ZBTB37: variants seen among roughly 807,000 people sequenced by gnomAD.
ZBTB37 encodes the protein zinc finger and BTB domain-containing protein 37.
ZBTB37 carries 15 observed loss-of-function variants against 37.7 expected under a neutral mutation model. The observed-to-expected ratio is 0.40, with a 90% CI of 0.27 to 0.61. The LOEUF (loss-of-function observed/expected upper bound fraction) is 0.61, where lower values mean the gene tolerates loss of function less well. Among genes scored for constraint, ZBTB37 ranks in the 20% least tolerant of loss-of-function variants. The pLI is 0.44. For missense variants in ZBTB37, 514 were observed against 641.9 expected (o/e 0.80, Z 2.15); for synonymous variants, 231 against 220.6 (o/e 1.05, Z -0.42).
At chr1:173,903,028 A>G (rs1657329360) in exon 4 of ZBTB37, 1 of 152,204 alleles carries the variant, frequency 6.6e-6, no homozygotes, top group African/African-American at 2.4e-5. Context: ...GTTTTGTGGG[A>G]GGCTGAGATT....
At chr1:173,899,206 T>C (rs1323592429) in exon 4 of ZBTB37, 1 of 152,150 alleles carries the variant, frequency 6.6e-6, no homozygotes, top group African/African-American at 2.4e-5. Context: ...TTTTTTTTTT[T>C]CTACCTGTAG....
chr1:173,874,840 G>A (rs1232679379), intron 4 of ZBTB37, among the ~76,000 whole-genome samples: 1 of 152,072 alleles, frequency 6.6e-6, no homozygotes, highest in African/African-American at 2.4e-5. Flanking sequence ...TAGAACTTTT[G>A]TTATTAGTAG....
chr1:173,892,371 C>T (rs1306917869), exon 4 of ZBTB37: 1 of 152,124 alleles, frequency 6.6e-6, no homozygotes, highest in Non-Finnish European at 1.5e-5. Context: ...GTCTCTTTCC[C>T]TGTCTTTAGT....
At chr1:173,891,116 A>G (rs1439737837), downstream of ZBTB37, 1 of 152,188 alleles carries the variant, frequency 6.6e-6, no homozygotes, top group Non-Finnish European at 1.5e-5. Flanking sequence ...AAAAGCATTT[A>G]GAATTGGCCT....
At chr1:173,881,292 T>C (rs573129622) in intron 4 of ZBTB37, among the ~76,000 whole-genome samples, 1 of 152,356 alleles carries the variant, frequency 6.6e-6, no homozygotes, top group African/African-American at 2.4e-5. Flanking sequence ...ACTCATCCTT[T>C]TTTATGGCTG....
In ZBTB37 at chr1:173,879,902, G is replaced by A. The variant is rs527250576; in HGVS notation, c.1024-5734G>A. Among the ~76,000 whole-genome samples, 4 of 152,298 alleles carry A rather than the reference G, an allele frequency of 2.6e-5. No homozygotes were observed. The East Asian group carries it at 7.7e-4, about 29-fold the overall frequency. ...GGAGGCAGAGGTTGCAGTGAGCCGAGATGATGCTACTGCACTCCAGCCTGG... is the reference window on the plus strand; with the variant it reads ...GGAGGCAGAGGTTGCAGTGAGCCGAAATGATGCTACTGCACTCCAGCCTGG... On this transcript the variant is annotated intron_variant, in intron 4 of 4. Transcript: ENST00000427304.
chr1:173,873,572 G>A lies in ZBTB37; in HGVS notation c.1023+6G>A. 6.2e-7 allele frequency: 1 copy of A among 1,614,072 alleles called. No homozygotes were observed. On this transcript the variant is annotated splice_donor_region_variant and intron_variant, in intron 4 of 4. Transcript: ENST00000427304. ...CTAAGCAACCCAGCTCCCAGGTATGGAGTTGTGGATTTAGAACTGCTTTGG... is the reference window on the plus strand; with the variant it reads ...CTAAGCAACCCAGCTCCCAGGTATGAAGTTGTGGATTTAGAACTGCTTTGG...
chr1:173,875,470 C>T (rs956693921), intron 4 of ZBTB37, among the ~76,000 whole-genome samples: 1 of 150,820 alleles, frequency 6.6e-6, no homozygotes, highest in South Asian at 2.1e-4. Flanking sequence ...GGATTACAGG[C>T]GCCCGCCAGC....
downstream of ZBTB37, chr1:173,889,960 C>T (rs564126878): frequency 5.3e-5 from 8 of 152,244 alleles, no homozygotes; most frequent in African/African-American, 1.7e-4. Context: ...TTTTTCCCCC[C>T]GACTTCATAG....
chr1:173,873,651 T>C (rs374345135), intron 4 of ZBTB37, 85 bp downstream of exon 4: 4 of 1,567,576 alleles, frequency 2.6e-6, no homozygotes, highest in Non-Finnish European at 2.6e-6. Context: ...AAAGAAAAGA[T>C]GTAGGAGAGG....
chr1:173,882,464 T>C (rs1445267202), intron 4 of ZBTB37, among the ~76,000 whole-genome samples: 10 of 152,032 alleles, frequency 6.6e-5, no homozygotes, highest in South Asian at 2.1e-4. Flanking sequence ...ATGGTCTCGA[T>C]CTGCTGACCT....
downstream of ZBTB37, chr1:173,888,689 C>T (rs996224938): frequency 3.3e-5 from 5 of 152,064 alleles, no homozygotes; most frequent in African/African-American, 1.2e-4. Flanking sequence ...CTTGACCTCC[C>T]GAAGTGCTAG....
chr1:173,875,813 C>G (rs1262765726), intron 4 of ZBTB37, among the ~76,000 whole-genome samples: 1 of 151,898 alleles, frequency 6.6e-6, no homozygotes, highest in Non-Finnish European at 1.5e-5. Context: ...CACTACCATG[C>G]CCAGCTGATT....
chr1:173,894,504 G>T (rs1390905001), exon 4 of ZBTB37: 1 of 152,226 alleles, frequency 6.6e-6, no homozygotes. Context: ...TCTCCATGAA[G>T]TCTAAGGACT....
exon 4 of ZBTB37, chr1:173,901,763 A>G (rs12563156): frequency 0.12 from 18,607 of 152,226 alleles, 1,253 homozygotes; most frequent in East Asian, 0.24. Context: ...CAGGCTCCTC[A>G]TAATTTCTGA....
intron 3 of ZBTB37, among the ~76,000 whole-genome samples, chr1:173,872,684 T>C (rs1463714625): frequency 2.0e-5 from 3 of 152,038 alleles, no homozygotes; most frequent in Non-Finnish European, 2.9e-5. Flanking sequence ...TGATAACTTA[T>C]GGAAATAAAA....
At chr1:173,881,640 C>T (rs57995528) in intron 4 of ZBTB37, among the ~76,000 whole-genome samples, 29,678 of 152,078 alleles carry the variant, frequency 0.2, 3,906 homozygotes, top group African/African-American at 0.37. Flanking sequence ...TTTCAATGAT[C>T]GCCATTCTAA....
intron 4 of ZBTB37, 179 bp downstream of exon 4, chr1:173,873,745 C>A (rs1655723943): frequency 1.2e-5 from 13 of 1,087,994 alleles, no homozygotes; most frequent in Non-Finnish European, 1.5e-5. Flanking sequence ...ACAGAGACAT[C>A]ACCAGAAAGG....
chr1:173,897,501 A>G (rs570909364), exon 4 of ZBTB37: 4 of 152,228 alleles, frequency 2.6e-5, no homozygotes, highest in Non-Finnish European at 5.9e-5. Flanking sequence ...GTTGGGGATT[A>G]ATATAAAACT....
Sources: gnomAD v4.1 joint callset for allele counts (sites outside exome capture counted in the v4.1 genomes callset) on GRCh38, gnomAD v4.1.1 for gene constraint, MANE v1.5 for transcripts, NCBI Gene and HGNC (gene_info 2026-07-23, HGNC 2026-07-21) for gene names.